Variants in CLTC observed in about 807,000 individuals in gnomAD.
The protein encoded by CLTC is clathrin heavy chain.
CLTC carries 16 observed loss-of-function variants against 195.8 expected under a neutral mutation model. The observed-to-expected ratio is 0.08, with a 90% CI of 0.06 to 0.12. The LOEUF (loss-of-function observed/expected upper bound fraction) is 0.12, where lower values mean the gene tolerates loss of function less well. Among genes scored for constraint, CLTC ranks in the 10% least tolerant of loss-of-function variants. CLTC has a pLI of 1.00. For missense variants in CLTC, 796 were observed against 2,027.0 expected, an observed-to-expected ratio of 0.39 and a Z score of 11.66; for synonymous variants, 667 against 689.4, an observed-to-expected ratio of 0.97 and a Z score of 0.51.
At chr17:59,693,121 CT>C (rs1374098162) in intron 31 of CLTC, among the ~76,000 whole-genome samples, 1 of 152,128 alleles carries the variant, frequency 6.6e-6, no homozygotes, top group Non-Finnish European at 1.5e-5. Context: ...AATCCCAGCA[CT>C]TTGGGAGGGC....
intron 30 of CLTC, among the ~76,000 whole-genome samples, chr17:59,687,741 A>G (rs140024623): frequency 6.8e-4 from 104 of 152,292 alleles, no homozygotes; most frequent in African/African-American, 2.3e-3. Flanking sequence ...ATTAACTTCT[A>G]CTTTCTGTAA....
intron 8 of CLTC, among the ~76,000 whole-genome samples, chr17:59,661,857 C>G (rs1019900492): frequency 2.0e-5 from 3 of 152,006 alleles, no homozygotes; most frequent in Non-Finnish European, 4.4e-5. Context: ...AATCCCAGCA[C>G]TTTGGGAGGC....
At chr17:59,626,283 T>C (rs1190795780) in intron 1 of CLTC, among the ~76,000 whole-genome samples, 3 of 152,208 alleles carry the variant, frequency 2.0e-5, no homozygotes, top group Non-Finnish European at 2.9e-5. Flanking sequence ...ACATTTGATA[T>C]TGTGCACAGT....
At position 59,694,746 on chromosome 17, in the gene CLTC, T is replaced by C. The variant is rs1389170266; in HGVS notation, c.*894T>C. 2 of 225,312 alleles carry C rather than the reference T, an allele frequency of 8.9e-6. No homozygotes were observed. Among genetic ancestry groups the C allele is most frequent in the African/African-American group, 2.2e-5 (1 of 44,882 alleles). The allele number at this position is 225,312 out of a possible 1,614,324, so 14.0% of individuals were successfully genotyped here. ...AATTTGAAATTACTCAAATTTAAAA[T>C]AAATTACTGGACTGTGGAAATAACA... On this transcript the variant is annotated 3_prime_UTR_variant, in exon 32 of 32. Coordinates refer to ENST00000269122, the MANE Select transcript of CLTC (RefSeq NM_004859.4).
At chr17:59,679,835 G>A (rs182864149) in intron 18 of CLTC, among the ~76,000 whole-genome samples, 2 of 152,090 alleles carry the variant, frequency 1.3e-5, no homozygotes, top group East Asian at 1.9e-4. Context: ...TTGGGAGGCC[G>A]AGGTGGGTGG....
At chr17:59,660,635 A>T in intron 7 of CLTC, 47 bp downstream of exon 7, 2 of 1,567,398 alleles carry the variant, frequency 1.3e-6, no homozygotes, top group Non-Finnish European at 1.8e-6. Flanking sequence ...ATCCATTGTT[A>T]ATATTCTGTT....
At chr17:59,622,295 TG>T (rs1210999460) in intron 1 of CLTC, among the ~76,000 whole-genome samples, 3 of 152,252 alleles carry the variant, frequency 2.0e-5, no homozygotes, top group African/African-American at 4.8e-5. Context: ...GTGCTCCAGT[TG>T]ATTAATTGTG....
chr17:59,685,263 A>C lies in CLTC; in HGVS notation c.4605+37A>C. ...TGCGGGGCAGGGGCTGTTTTAAACC[A>C]GGCCTAAAATGGTGTTACAAGTGAT... On this transcript the variant is annotated intron_variant, in intron 29 of 31. Coordinates refer to ENST00000269122, the MANE Select transcript of CLTC (RefSeq NM_004859.4). This position sits in a 1 kb window ranked among gnomAD's most constrained non-coding sequence, Gnocchi z 5.0. The C allele has an allele frequency of 6.5e-7, 1 of 1,540,676 alleles. No individual in the cohort carries two copies. The highest frequency in any genetic ancestry group is 1.4e-5 in the African/African-American group (1 of 72,540).
At chr17:59,660,666 A>T (rs1468681369) in intron 7 of CLTC, 78 bp downstream of exon 7, 1 of 1,406,480 alleles carries the variant, frequency 7.1e-7, no homozygotes, top group Non-Finnish European at 1.0e-6. Flanking sequence ...CTAGAAAAGG[A>T]ACCAGCTTCC....
intron 28 of CLTC, chr17:59,684,453 A>G (rs564385736): frequency 1.2e-5 from 2 of 169,738 alleles, no homozygotes; most frequent in South Asian, 2.8e-4. Context: ...GGCTCAGCGC[A>G]TGCAGATCTG....
At chr17:59,664,997 G>A in intron 10 of CLTC, 88 bp downstream of exon 10, 1 of 1,524,010 alleles carries the variant, frequency 6.6e-7, no homozygotes, top group Middle Eastern at 1.8e-4. Flanking sequence ...GTCCAAGGTG[G>A]GAGTATTGCT....
chr17:59,662,777 G>C (rs1478456224), intron 8 of CLTC, among the ~76,000 whole-genome samples: 1 of 152,268 alleles, frequency 6.6e-6, no homozygotes, highest in East Asian at 1.9e-4. Flanking sequence ...CATCCTAATT[G>C]ATTAAGATAA....
In CLTC at chr17:59,668,955, G is replaced by GTAA. The variant is rs1256996046; in HGVS notation, c.2292+17_2292+19dup. 6.3e-7 allele frequency: 1 copy of GTAA among 1,599,662 alleles called. No individual in the cohort carries two copies. Among genetic ancestry groups the GTAA allele is most frequent in the Non-Finnish European group, 8.5e-7 (1 of 1,175,386 alleles). ...ATTTTCTTAAGGTAAGTGGTTTTGA[G>GTAA]TAATGTGTTTTCTGGTTGGATTCCA... On this transcript the variant is annotated intron_variant, in intron 14 of 31. Transcript: ENST00000269122.
At chr17:59,664,710 T>C in intron 9 of CLTC, 77 bp from the exon 10 acceptor site, 8 of 1,505,608 alleles carry the variant, frequency 5.3e-6, no homozygotes, top group Non-Finnish European at 7.2e-6. Flanking sequence ...ATTAGTGAGA[T>C]TTTATAGTAG....
At chr17:59,653,779 T>G (rs1329251981) in intron 5 of CLTC, among the ~76,000 whole-genome samples, 1 of 139,334 alleles carries the variant, frequency 7.2e-6, no homozygotes, top group Non-Finnish European at 1.6e-5. Context: ...CTGGCTGGTC[T>G]TTTTTTTTTT....
intron 1 of CLTC, among the ~76,000 whole-genome samples, chr17:59,644,028 T>G (rs1240434299): frequency 6.6e-6 from 1 of 152,246 alleles, no homozygotes; most frequent in Non-Finnish European, 1.5e-5. Flanking sequence ...CTTGCAGATG[T>G]TGCTCTTTCC....
intron 2 of CLTC, chr17:59,646,095 G>A (rs891690116): frequency 3.6e-5 from 17 of 471,830 alleles, no homozygotes; most frequent in Non-Finnish European, 4.2e-5. Flanking sequence ...GATTTTCGGA[G>A]CATTGTACAA....
intron 18 of CLTC, 56 bp from the exon 19 acceptor site, chr17:59,680,855 AC>A (rs2033068043): frequency 2.8e-6 from 4 of 1,435,374 alleles, no homozygotes; most frequent in African/African-American, 2.9e-5. Flanking sequence ...AGGCCAACTT[AC>A]GCTTTTTTAA....
chr17:59,666,289 ATT>A lies in CLTC; in HGVS notation c.1782+50_1782+51del, dbSNP rs764839669. On this transcript the variant is annotated intron_variant, in intron 11 of 31. Transcript: ENST00000269122. The surrounding 1 kb of genome is among the most constrained non-coding windows in gnomAD (Gnocchi z 4.9). ...GCATGTTTCCAACATTGTTTTAGTA[ATT>A]GTGCAGCGCCTCTCAGATTGTTATG... is the stretch of plus-strand genomic sequence containing the variant. 3.1e-6 allele frequency: 5 copies of A among 1,600,262 alleles called. No homozygotes were observed. The South Asian group carries it at 5.5e-5, about 18-fold the overall frequency.
Sources: allele counts gnomAD v4.1 joint callset (sites outside exome capture counted in the v4.1 genomes callset), GRCh38; gene constraint gnomAD v4.1.1; non-coding constraint Gnocchi (gnomAD v3.1); transcripts MANE v1.5; gene names NCBI Gene and HGNC (gene_info 2026-07-23, HGNC 2026-07-21).